PWWP2A: variants seen among roughly 807,000 people sequenced by gnomAD.
PWWP2A encodes the protein PWWP domain containing 2A, also known as PWWP domain-containing protein 2A.
Under a neutral mutation model 48.5 loss-of-function variants are expected in PWWP2A, and 18 were observed. The observed-to-expected ratio is 0.37, with a 90% CI of 0.26 to 0.55. PWWP2A has a LOEUF of 0.55. Among genes scored for constraint, PWWP2A ranks in the 20% least tolerant of loss-of-function variants. PWWP2A has a pLI of 0.81. For missense variants in PWWP2A, 867 were observed against 976.4 expected, an observed-to-expected ratio of 0.89 and a Z score of 1.49; for synonymous variants, 396 against 387.7, an observed-to-expected ratio of 1.02 and a Z score of -0.25.
At chr5:160,109,766 AAAAAAAAAAT>A (rs1288386570) in intron 1 of PWWP2A, among the ~76,000 whole-genome samples, 72 of 47,496 alleles carry the variant, frequency 1.5e-3, no homozygotes, top group East Asian at 8.2e-3. Flanking sequence ...GGAAAAAAAA[AAAAAAAAAAT>A]ATATATATAT....
intron 1 of PWWP2A, chr5:160,105,694 A>C: frequency 1.0e-6 from 1 of 979,484 alleles, no homozygotes; most frequent in Non-Finnish European, 1.2e-6. Context: ...GAGAAAGAGA[A>C]AAAGATTAAG....
At chr5:160,049,670 C>G in the PWWP2A span, 2 of 1,555,426 alleles carry the variant, frequency 1.3e-6, no homozygotes, top group Admixed American at 4.3e-5. Context: ...ATGGTAAAAC[C>G]TAAAATTTTA....
the PWWP2A span, among the ~76,000 whole-genome samples, chr5:160,045,882 A>T: frequency 6.6e-6 from 1 of 152,042 alleles, no homozygotes; most frequent in African/African-American, 2.4e-5. Flanking sequence ...AGCTGGGACT[A>T]CGGGCGCATG....
chr5:160,097,820 A>G lies in PWWP2A; in HGVS notation c.585-3755T>C, dbSNP rs906471737. ...AACCACCGCCTCCTGGGTTCAAGCTATTCTCATGCCTCAGCCACCTGAGCA... is the reference window on the plus strand; with the variant it reads ...AACCACCGCCTCCTGGGTTCAAGCTGTTCTCATGCCTCAGCCACCTGAGCA... On this transcript the variant is annotated intron_variant, in intron 1 of 1. Transcript: ENST00000307063. Among the ~76,000 whole-genome samples, 5 of 148,888 alleles carry G rather than the reference A, an allele frequency of 3.4e-5. No individual in the cohort carries two copies. In the Admixed American group the frequency reaches 3.4e-4, roughly 10 times the overall value.
At chr5:160,101,955 CA>C (rs34776162) in intron 1 of PWWP2A, among the ~76,000 whole-genome samples, 1 of 151,164 alleles carries the variant, frequency 6.6e-6, no homozygotes, top group Non-Finnish European at 1.5e-5. Context: ...ACTAAACATA[CA>C]AAAAGTAGCC....
At chr5:160,072,780 G>T (rs563787558), downstream of PWWP2A, among the ~76,000 whole-genome samples, 3 of 151,842 alleles carry the variant, frequency 2.0e-5, no homozygotes, top group Non-Finnish European at 4.4e-5. Context: ...GTGATGGCAG[G>T]TGCCTGCATT....
intron 1 of PWWP2A, among the ~76,000 whole-genome samples, chr5:160,095,069 A>G (rs2113546493): frequency 6.7e-6 from 1 of 149,208 alleles, no homozygotes; most frequent in South Asian, 2.1e-4. Flanking sequence ...AAAAAAAAAA[A>G]AAAAAAAAGA....
chr5:160,110,784 C>T (rs947634979), intron 1 of PWWP2A, among the ~76,000 whole-genome samples: 1 of 151,922 alleles, frequency 6.6e-6, no homozygotes, highest in Admixed American at 6.6e-5. Context: ...GTAATCCCAT[C>T]ATTTTGGGAG....
At chr5:160,062,873 G>T (rs1321862953) in intron 5 of PWWP2A, among the ~76,000 whole-genome samples, 2 of 152,030 alleles carry the variant, frequency 1.3e-5, no homozygotes, top group Non-Finnish European at 2.9e-5. Context: ...GTTCCTGGTT[G>T]GTGTTGCTAA....
At chr5:160,109,774 A>AAAAT (rs1554104831) in intron 1 of PWWP2A, among the ~76,000 whole-genome samples, 47 of 25,202 alleles carry the variant, frequency 1.9e-3, no homozygotes, top group African/African-American at 4.1e-3. Context: ...AAAAAAAAAA[A>AAAAT]ATATATATAT....
the PWWP2A span, among the ~76,000 whole-genome samples, chr5:160,054,657 GAAAA>G: frequency 1.4e-5 from 2 of 142,690 alleles, no homozygotes; most frequent in East Asian, 2.0e-4. Flanking sequence ...CCACAATATA[GAAAA>G]AAAAAAAGTA....
chr5:160,110,349 CTGCTATTATTTCAGGTGT>C, intron 1 of PWWP2A, among the ~76,000 whole-genome samples: 1 of 152,160 alleles, frequency 6.6e-6, no homozygotes, highest in African/African-American at 2.4e-5. Context: ...AAAAGGATTA[CTGCTATTATTTCAGGTGT>C]AATAATGGTA....
intron 1 of PWWP2A, among the ~76,000 whole-genome samples, chr5:160,118,277 G>C (rs969354742): frequency 6.6e-6 from 1 of 152,144 alleles, no homozygotes; most frequent in African/African-American, 2.4e-5. Context: ...CAGTTAAAAG[G>C]TTCATTTTAA....
chr5:160,092,353 A>T lies in PWWP2A; in HGVS notation c.*29T>A. The T allele has an allele frequency of 6.7e-7, 1 of 1,497,318 alleles. No homozygotes were observed. The highest frequency in any genetic ancestry group is 8.9e-7 in the Non-Finnish European group (1 of 1,123,426). The allele number at this position is 1,497,318 out of a possible 1,614,324, so 92.8% of individuals were successfully genotyped here. A position where few individuals can be genotyped will look rare whatever the true frequency, so the allele number is the denominator to read the frequency against. ...GACTAGAAAATCTGTGGTGACTTCCAATGGTCTTGCCTACCTTACTGCCCA... is the reference window on the plus strand; with the variant it reads ...GACTAGAAAATCTGTGGTGACTTCCTATGGTCTTGCCTACCTTACTGCCCA... On this transcript the variant is annotated 3_prime_UTR_variant, in exon 2 of 2. Transcript: ENST00000307063.
intron 2 of PWWP2A, among the ~76,000 whole-genome samples, chr5:160,081,472 T>A (rs1754230446): frequency 1.3e-5 from 2 of 152,138 alleles, no homozygotes; most frequent in Non-Finnish European, 2.9e-5. Context: ...ACTCCTGACC[T>A]CAGGTGATCC....
chr5:160,115,535 A>C (rs549041203), intron 1 of PWWP2A, among the ~76,000 whole-genome samples: 1 of 152,168 alleles, frequency 6.6e-6, no homozygotes, highest in Non-Finnish European at 1.5e-5. Context: ...TCTACTAAAA[A>C]TACAAAAATT....
chr5:160,054,429 C>T, the PWWP2A span, among the ~76,000 whole-genome samples: 1 of 152,156 alleles, frequency 6.6e-6, no homozygotes, highest in African/African-American at 2.4e-5. Context: ...GCCTGGGCAA[C>T]ATGGCAAGAC....
chr5:160,070,282 A>G (rs986377333), intron 2 of PWWP2A, among the ~76,000 whole-genome samples: 15 of 152,068 alleles, frequency 9.9e-5, no homozygotes, highest in Non-Finnish European at 2.2e-4. Context: ...TAGCCTAGTC[A>G]ACATACTAAG....
intron 2 of PWWP2A, among the ~76,000 whole-genome samples, chr5:160,082,988 C>G (rs1188086158): frequency 2.0e-5 from 3 of 152,136 alleles, no homozygotes; most frequent in African/African-American, 7.2e-5. Flanking sequence ...AGTTTATGCT[C>G]TTAAAGAAAG....
Sources: gnomAD v4.1 joint callset for allele counts (sites outside exome capture counted in the v4.1 genomes callset) on GRCh38, gnomAD v4.1.1 for gene constraint, MANE v1.5 for transcripts, NCBI Gene and HGNC (gene_info 2026-07-23, HGNC 2026-07-21) for gene names.